The following RYR3 variants were observed in gnomAD, a reference collection of about 807,000 sequenced individuals.
RYR3 encodes the protein ryanodine receptor 3, also known as brain ryanodine receptor-calcium release channel.
RYR3 carries 207 observed loss-of-function variants against 584.3 expected under a neutral mutation model. That is an observed-to-expected ratio of 0.35 (90% confidence interval 0.32 to 0.40). The LOEUF (loss-of-function observed/expected upper bound fraction) is 0.40. RYR3 is among the 10% of genes least tolerant of loss of function. The pLI is 1.00. For synonymous variants in RYR3, 2,416 were observed against 2,248.5 expected, an observed-to-expected ratio of 1.07 and a Z score of -2.11; for missense variants, 5,616 against 6,089.2, an observed-to-expected ratio of 0.92 and a Z score of 2.59.
Position 33,503,659 on chromosome 15 carries a change from A to C in RYR3, c.200A>C (p.Asn67Thr). 1.2e-6 allele frequency: 2 copies of C among 1,612,606 alleles called. No individual in the cohort carries two copies. Among genetic ancestry groups the C allele is most frequent in the Non-Finnish European group, 1.7e-6 (2 of 1,179,218 alleles). The part of the protein sequence containing the change: ...KYIPPDLCVC[N>T]FVLEQSLSVR... ...ATTCCTCCAGATCTCTGCGTCTGCA[A>C]TTTTGTGCTGGAACAGTCCCTATCT... The change falls in exon 3 of 104, where the codon AAT becomes ACT. Residue 67 changes from asparagine to threonine, a missense_variant. This residue lies in a region of RYR3 where 1,284 missense variants were observed against 1,344.6 expected (regional missense o/e 0.95). Transcript: ENST00000634891.
Position 33,551,008 on chromosome 15 carries a change from A to G in RYR3, c.972+692A>G, listed in dbSNP as rs117207736. On this transcript the variant is annotated intron_variant, in intron 10 of 103. Coordinates refer to ENST00000634891, the MANE Select transcript of RYR3 (RefSeq NM_001036.6). ...CTCGAATTAATTGCTTTACCATTTG[A>G]TGTGTATGTAGACAACTATTCTTTT... is the stretch of plus-strand genomic sequence containing the variant. 2.1e-3 allele frequency among the ~76,000 whole-genome samples: 325 copies of G among 152,272 alleles called. 1 individual carries two copies. The highest frequency in any genetic ancestry group is 3.3e-3 in the Non-Finnish European group (225 of 68,024).
intron 2 of RYR3, among the ~76,000 whole-genome samples, chr15:33,482,409 T>A (rs1274762326): frequency 2.0e-5 from 3 of 151,938 alleles, no homozygotes; most frequent in African/African-American, 7.3e-5. Context: ...TTGGTTTTTG[T>A]TGTTGTTGTT....
chr15:33,343,628 A>C (rs895394881), intron 1 of RYR3, among the ~76,000 whole-genome samples: 5 of 152,310 alleles, frequency 3.3e-5, no homozygotes, highest in Admixed American at 1.3e-4. Context: ...TGTTGTTATC[A>C]GTGGAAAAAC....
Position 33,475,439 on chromosome 15 carries a change from A to G in RYR3, c.171+1901A>G, listed in dbSNP as rs542215447. On this transcript the variant is annotated intron_variant, in intron 2 of 103. Coordinates refer to ENST00000634891, the MANE Select transcript of RYR3 (RefSeq NM_001036.6). ...AGATCATCGGGCATTAGATTCTCATAAGGAGCGTGCAACCTAGATCCCTCA... is the reference window on the plus strand; with the variant it reads ...AGATCATCGGGCATTAGATTCTCATGAGGAGCGTGCAACCTAGATCCCTCA... 7.2e-5 allele frequency among the ~76,000 whole-genome samples: 11 copies of G among 152,292 alleles called. No homozygotes were observed. In the East Asian group the frequency reaches 2.1e-3, roughly 29 times the overall value.
chr15:33,768,139 A>G (rs904869488), intron 60 of RYR3, among the ~76,000 whole-genome samples: 1 of 152,252 alleles, frequency 6.6e-6, no homozygotes, highest in Admixed American at 6.5e-5. Context: ...CACAATTCTT[A>G]AAACGTTTTT....
intron 27 of RYR3, among the ~76,000 whole-genome samples, chr15:33,641,105 G>A (rs1270496585): frequency 6.6e-6 from 1 of 152,224 alleles, no homozygotes; most frequent in Non-Finnish European, 1.5e-5. Context: ...GTCTAATCTA[G>A]AGACAAACAG....
intron 86 of RYR3, 95 bp from the exon 87 acceptor site, chr15:33,834,873 C>G (rs1475295250): frequency 3.8e-6 from 3 of 785,694 alleles, no homozygotes; most frequent in South Asian, 3.6e-5. Flanking sequence ...GAAAGTCTAT[C>G]TGCTCATATA....
At chr15:33,434,622 T>G (rs1341367307) in intron 1 of RYR3, among the ~76,000 whole-genome samples, 3 of 152,114 alleles carry the variant, frequency 2.0e-5, no homozygotes, top group African/African-American at 7.2e-5. Context: ...ACAATAAAGA[T>G]AAACTGAACA....
intron 3 of RYR3, among the ~76,000 whole-genome samples, chr15:33,516,968 G>A (rs952504414): frequency 3.3e-5 from 5 of 151,880 alleles, no homozygotes; most frequent in African/African-American, 1.2e-4. Context: ...CATGTTACCC[G>A]GTGTTCTTCT....
At chr15:33,783,728 C>A (rs1380159960) in intron 65 of RYR3, among the ~76,000 whole-genome samples, 1 of 152,118 alleles carries the variant, frequency 6.6e-6, no homozygotes, top group Non-Finnish European at 1.5e-5. Flanking sequence ...TGTTTGACTT[C>A]CCTGTGTTTA....
chr15:33,792,849 C>T (rs144797082), intron 67 of RYR3, among the ~76,000 whole-genome samples: 3 of 152,164 alleles, frequency 2.0e-5, no homozygotes, highest in Non-Finnish European at 2.9e-5. Flanking sequence ...GTCAGTTGTC[C>T]AAGTCCATTC....
chr15:33,690,837 A>G (rs895815793), intron 38 of RYR3, among the ~76,000 whole-genome samples: 1 of 152,164 alleles, frequency 6.6e-6, no homozygotes, highest in Non-Finnish European at 1.5e-5. Context: ...AAAATTGACA[A>G]ATATTTAAAT....
rs141265254 is a variant in RYR3, at chr15:33,439,754, G to A, written c.52-33665G>A. Among the ~76,000 whole-genome samples the A allele has an allele frequency of 7.2e-4, 109 of 152,254 alleles. 1 individual carries two copies. In the East Asian group the frequency reaches 0.018, roughly 25 times the overall value. ...GATGCCATGGGGTTATTAAGAGAAT[G>A]AGTTGAAATAATCCATATGAAGTAC... On this transcript the variant is annotated intron_variant, in intron 1 of 103. Transcript: ENST00000634891.
At chr15:33,363,327 C>T (rs942572633) in intron 1 of RYR3, among the ~76,000 whole-genome samples, 2 of 152,134 alleles carry the variant, frequency 1.3e-5, no homozygotes, top group African/African-American at 2.4e-5. Context: ...ATTGTTGGCT[C>T]GCTAACATTT....
At chr15:33,377,139 C>T (rs1305002882) in intron 1 of RYR3, among the ~76,000 whole-genome samples, 3 of 152,120 alleles carry the variant, frequency 2.0e-5, no homozygotes, top group Non-Finnish European at 4.4e-5. Flanking sequence ...CAAGTTAATA[C>T]CTGAAGTAAA....
intron 16 of RYR3, among the ~76,000 whole-genome samples, chr15:33,599,933 C>A (rs1031207728): frequency 1.3e-5 from 2 of 152,170 alleles, no homozygotes; most frequent in African/African-American, 4.8e-5. Flanking sequence ...GGATTAAGCC[C>A]TGCTTTCCCT....
intron 1 of RYR3, among the ~76,000 whole-genome samples, chr15:33,402,156 A>C (rs1293351961): frequency 6.6e-6 from 1 of 152,228 alleles, no homozygotes; most frequent in African/African-American, 2.4e-5. Context: ...CAACATTTAA[A>C]TTGATCATAG....
chr15:33,574,384 C>T (rs1247700355), intron 12 of RYR3, among the ~76,000 whole-genome samples: 1 of 152,136 alleles, frequency 6.6e-6, no homozygotes, highest in African/African-American at 2.4e-5. Flanking sequence ...GTGGGAAGTT[C>T]TATCAAATTG....
chr15:33,811,922 G>A (rs1364575816), intron 72 of RYR3, among the ~76,000 whole-genome samples: 1 of 152,098 alleles, frequency 6.6e-6, no homozygotes, highest in Non-Finnish European at 1.5e-5. Context: ...GCCCTGAGAT[G>A]GAGAACTAAG....
Sources: allele counts gnomAD v4.1 joint callset (sites outside exome capture counted in the v4.1 genomes callset), GRCh38; gene constraint gnomAD v4.1.1; regional missense constraint gnomAD v4.1.1; transcripts MANE v1.5; gene names NCBI Gene and HGNC (gene_info 2026-07-23, HGNC 2026-07-21).